Variants in TTLL5 observed in about 807,000 individuals in gnomAD.
The protein encoded by TTLL5 is tubulin tyrosine ligase like 5.
A neutral mutation model predicts 168.4 loss-of-function variants in TTLL5; 132 were observed. That is an observed-to-expected ratio of 0.78 (90% CI 0.68 to 0.91). The LOEUF (loss-of-function observed/expected upper bound fraction) is 0.91, where lower values mean the gene tolerates loss of function less well. TTLL5 is among the 40% of genes least tolerant of loss of function. The pLI is 0.00. For missense variants in TTLL5, 1,545 were observed against 1,581.5 expected, an observed-to-expected ratio of 0.98 and a Z score of 0.39; for synonymous variants, 546 against 558.6, an observed-to-expected ratio of 0.98 and a Z score of 0.32.
At chr14:75,694,441 A>G (rs999468841) in intron 6 of TTLL5, among the ~76,000 whole-genome samples, 2 of 152,048 alleles carry the variant, frequency 1.3e-5, no homozygotes, top group East Asian at 1.9e-4. Context: ...GGTTCAAGCA[A>G]TTCTTCTGCC....
chr14:75,703,689 T>A lies in TTLL5; in HGVS notation c.586-3329T>A, dbSNP rs534054620. ...AGTATTGATACATTCTCTGAGACTT[T>A]CACATGTTAGGAGAGTGTTAGGTCA... On this transcript the variant is annotated intron_variant, in intron 7 of 31. Coordinates refer to ENST00000298832, the MANE Select transcript of TTLL5 (RefSeq NM_015072.5). Among the ~76,000 whole-genome samples the A allele has an allele frequency of 5.3e-5, 8 of 152,368 alleles. No homozygotes were observed. In the East Asian group the frequency reaches 1.5e-3, roughly 29 times the overall value.
At chr14:75,706,058 A>G (rs1330573133) in intron 7 of TTLL5, among the ~76,000 whole-genome samples, 4 of 152,074 alleles carry the variant, frequency 2.6e-5, no homozygotes, top group African/African-American at 7.2e-5. Context: ...AGGTCTGTGA[A>G]TCGGCCCACC....
chr14:75,866,784 A>C (rs2030551166), intron 29 of TTLL5, among the ~76,000 whole-genome samples: 1 of 152,240 alleles, frequency 6.6e-6, no homozygotes, highest in Non-Finnish European at 1.5e-5. Flanking sequence ...ATCTCAGTAT[A>C]GCATTGCACT....
intron 28 of TTLL5, among the ~76,000 whole-genome samples, chr14:75,836,897 C>T (rs1374468333): frequency 3.3e-5 from 5 of 152,100 alleles, no homozygotes; most frequent in Non-Finnish European, 7.3e-5. Context: ...GAGCAGGCCA[C>T]TATGACATGA....
chr14:75,903,900 T>TAA (rs778868581), intron 31 of TTLL5, among the ~76,000 whole-genome samples: 2 of 130,820 alleles, frequency 1.5e-5, no homozygotes, highest in Non-Finnish European at 3.3e-5. Context: ...ACCTCTAATT[T>TAA]AAAAAAAAAA....
intron 3 of TTLL5, among the ~76,000 whole-genome samples, chr14:75,676,926 A>G (rs999583126): frequency 2.0e-5 from 3 of 151,882 alleles, no homozygotes; most frequent in Non-Finnish European, 2.9e-5. Context: ...GACATGTACC[A>G]CCATGTCTGG....
intron 18 of TTLL5, 22 bp downstream of exon 18, chr14:75,752,977 A>C: frequency 1.2e-6 from 2 of 1,604,146 alleles, no homozygotes; most frequent in Non-Finnish European, 1.7e-6. Context: ...CTAAACTTTA[A>C]ATTTAGGACT....
rs148388203 is a variant in TTLL5, at chr14:75,835,067, C to CCAAACAAA, written c.3326+14927_3326+14934dup. Among the ~76,000 whole-genome samples the CCAAACAAA allele has an allele frequency of 2.5e-3, 375 of 152,094 alleles. 1 individual carries two copies. Among genetic ancestry groups the CCAAACAAA allele is most frequent in the African/African-American group, 8.6e-3 (357 of 41,470 alleles). On this transcript the variant is annotated intron_variant, in intron 28 of 31. Transcript: ENST00000298832. ...TGGGCAACAGAGTGAGACCCTGTCT[C>CCAAACAAA]CAAACAAACAAACAAACAAACAAAC... is the stretch of plus-strand genomic sequence containing the variant.
Position 75,840,507 on chromosome 14 carries a change from GAC to G in TTLL5, c.3326+20350_3326+20351del, listed in dbSNP as rs1896165353. Reference sequence around the variant, plus strand: ...GCGGTGTTTGGCTTTCTGTTCCTCAGACACAGTCATTTTTTCAGCATTCTGTT... The same window carrying G: ...GCGGTGTTTGGCTTTCTGTTCCTCAGACAGTCATTTTTTCAGCATTCTGTT... On this transcript the variant is annotated intron_variant, in intron 28 of 31. Coordinates refer to ENST00000298832, the MANE Select transcript of TTLL5 (RefSeq NM_015072.5). 3.3e-5 allele frequency among the ~76,000 whole-genome samples: 5 copies of G among 151,626 alleles called. No individual in the cohort carries two copies. In the South Asian group the frequency reaches 1.0e-3, roughly 32 times the overall value.
intron 31 of TTLL5, among the ~76,000 whole-genome samples, chr14:75,953,047 T>A (rs1424861463): frequency 6.6e-6 from 1 of 152,170 alleles, no homozygotes; most frequent in Non-Finnish European, 1.5e-5. Flanking sequence ...AGCTGTTTTT[T>A]AAAAAATCAA....
intron 22 of TTLL5, 109 bp downstream of exon 22, chr14:75,775,739 TG>T: frequency 7.2e-7 from 1 of 1,382,492 alleles, no homozygotes; most frequent in Non-Finnish European, 9.8e-7. Context: ...TTCTGTTCTC[TG>T]GCATCACCAT....
intron 6 of TTLL5, among the ~76,000 whole-genome samples, 196 bp from the exon 7 acceptor site, chr14:75,698,992 C>T (rs1375119157): frequency 2.0e-5 from 3 of 151,914 alleles, no homozygotes; most frequent in Admixed American, 6.6e-5. Flanking sequence ...TCTCCTCCCT[C>T]CTTCCCTCGC....
intron 18 of TTLL5, among the ~76,000 whole-genome samples, chr14:75,756,783 C>A (rs1890289345): frequency 6.6e-6 from 1 of 152,062 alleles, no homozygotes; most frequent in East Asian, 1.9e-4. Context: ...GCTAGAATTA[C>A]AGGCATGAGC....
intron 21 of TTLL5, among the ~76,000 whole-genome samples, chr14:75,773,957 A>AAGAGAGAAAGAGAG (rs1891539585): frequency 4.6e-5 from 2 of 43,356 alleles, no homozygotes; most frequent in Non-Finnish European, 8.6e-5. Context: ...GAGAGAGAGA[A>AAGAGAGAAAGAGAG]AGAGAGAGAG....
intron 31 of TTLL5, among the ~76,000 whole-genome samples, chr14:75,945,819 G>A (rs950823370): frequency 5.9e-5 from 9 of 152,132 alleles, no homozygotes; most frequent in African/African-American, 2.2e-4. Context: ...ATACTTTAGA[G>A]CACTAAGGTC....
chr14:75,952,520 A>G (rs1231416425), intron 31 of TTLL5, among the ~76,000 whole-genome samples: 4 of 152,250 alleles, frequency 2.6e-5, no homozygotes, highest in African/African-American at 7.2e-5. Context: ...TTCCGTATCT[A>G]TACCCAAGAG....
At chr14:75,932,258 C>G (rs1226662031) in intron 31 of TTLL5, among the ~76,000 whole-genome samples, 1 of 152,122 alleles carries the variant, frequency 6.6e-6, no homozygotes, top group Non-Finnish European at 1.5e-5. Flanking sequence ...CTTCATTCAT[C>G]CAGAACTTTG....
rs147873627 is a variant in TTLL5, at chr14:75,860,188, T to G, written c.3327-3479T>G. Among the ~76,000 whole-genome samples, 1,298 of 152,342 alleles carry G rather than the reference T, an allele frequency of 8.5e-3. 12 individuals are homozygous for G. The highest frequency in any genetic ancestry group is 0.017 in the South Asian group (83 of 4,830). On this transcript the variant is annotated intron_variant, in intron 28 of 31. Transcript: ENST00000298832. ...CCTTTCTTATCCATAATTCCTTATT[T>G]GATCTTCTCTTGCCCACTGTCCTAC...
chr14:75,715,554 G>A (rs556799035), intron 9 of TTLL5, among the ~76,000 whole-genome samples: 75 of 152,190 alleles, frequency 4.9e-4, no homozygotes, highest in African/African-American at 1.7e-3. Flanking sequence ...GGGGTAGGAG[G>A]AAAGATGAAC....
Sources: gnomAD v4.1 joint callset for allele counts (sites outside exome capture counted in the v4.1 genomes callset) on GRCh38, gnomAD v4.1.1 for gene constraint, MANE v1.5 for transcripts, NCBI Gene and HGNC (gene_info 2026-07-23, HGNC 2026-07-21) for gene names.